Variants in ZRANB3 observed in about 807,000 individuals in gnomAD.
The protein encoded by ZRANB3 is zinc finger RANBP2-type containing 3.
In ZRANB3, 125 loss-of-function variants were observed where a neutral mutation model predicts 133.8. That is an observed-to-expected ratio of 0.93 (90% CI 0.81 to 1.08). The LOEUF (loss-of-function observed/expected upper bound fraction) is 1.08. ZRANB3 is among the 50% of genes least tolerant of loss of function. The probability of loss-of-function intolerance (pLI) is 0.00; values close to 1 mark genes in which losing one functional copy is unlikely to be tolerated. For synonymous variants in ZRANB3, 387 were observed against 432.7 expected, an observed-to-expected ratio of 0.89 and a Z score of 1.31; for missense variants, 1,229 against 1,275.5, an observed-to-expected ratio of 0.96 and a Z score of 0.56.
chr2:135,449,516 A>C (rs1690173813), intron 2 of ZRANB3, among the ~76,000 whole-genome samples: 1 of 152,148 alleles, frequency 6.6e-6, no homozygotes, highest in Non-Finnish European at 1.5e-5. Flanking sequence ...GCTACTCGGG[A>C]GGCTGAGGCA....
At chr2:135,264,096 G>A (rs994384649) in intron 12 of ZRANB3, among the ~76,000 whole-genome samples, 1 of 151,520 alleles carries the variant, frequency 6.6e-6, no homozygotes, top group African/African-American at 2.4e-5. Flanking sequence ...GTCCATAGTG[G>A]TATTTTTTTA....
intron 14 of ZRANB3, among the ~76,000 whole-genome samples, 163 bp from the exon 15 acceptor site, chr2:135,224,680 G>C (rs1408682592): frequency 1.3e-5 from 2 of 152,134 alleles, no homozygotes; most frequent in East Asian, 3.8e-4. Context: ...TACCACGGTA[G>C]GCCATTGAAG....
At chr2:135,247,502 A>AT (rs1361326880) in intron 12 of ZRANB3, among the ~76,000 whole-genome samples, 3 of 152,178 alleles carry the variant, frequency 2.0e-5, no homozygotes, top group Admixed American at 2.0e-4. Context: ...ACACATTTTG[A>AT]TTTTTTTTAA....
rs193082302 is a variant in ZRANB3, at chr2:135,467,186, T to C, written c.161+37143A>G. On this transcript the variant is annotated intron_variant, in intron 2 of 20. Coordinates refer to ENST00000264159, the MANE Select transcript of ZRANB3 (RefSeq NM_032143.4). ...CCAGGCTTGAGTGGCTTTCATTCTC[T>C]GCTCCCATTTAAACAAATGAGCAGA... 2.6e-3 allele frequency among the ~76,000 whole-genome samples: 400 copies of C among 152,110 alleles called. 1 individual carries two copies. Among genetic ancestry groups the C allele is most frequent in the African/African-American group, 8.8e-3 (364 of 41,380 alleles).
chr2:135,478,365 G>GAAAC (rs1250607726), intron 2 of ZRANB3, among the ~76,000 whole-genome samples: 2 of 151,976 alleles, frequency 1.3e-5, no homozygotes, highest in Non-Finnish European at 2.9e-5. Flanking sequence ...CCAAGTTAAA[G>GAAAC]AAACAGAATA....
chr2:135,212,391 G>C (rs16831450), intron 17 of ZRANB3, among the ~76,000 whole-genome samples: 1 of 152,144 alleles, frequency 6.6e-6, no homozygotes, highest in East Asian at 1.9e-4. Flanking sequence ...AGGGGCAATG[G>C]GATATTAAGC....
chr2:135,517,069 T>C (rs754855016), intron 1 of ZRANB3, among the ~76,000 whole-genome samples: 4 of 151,908 alleles, frequency 2.6e-5, no homozygotes, highest in East Asian at 1.9e-4. Context: ...AATTTGGCTA[T>C]TGATATTTGT....
rs1443158640 is a variant in ZRANB3 at position 135,504,257 on chromosome 2, T to C, written c.161+72A>G. On this transcript the variant is annotated intron_variant, in intron 2 of 20. Transcript: ENST00000264159. ...GACTGTGAATACACGAAAAGAAAGT[T>C]TGAACAGAACTTTGTTTTTAATACA... is the stretch of plus-strand genomic sequence containing the variant. 5 of 1,577,254 alleles carry C rather than the reference T, an allele frequency of 3.2e-6. No homozygotes were observed. In the African/African-American group the frequency reaches 6.7e-5, roughly 21 times the overall value.
At chr2:135,499,619 A>G (rs1025339821) in intron 2 of ZRANB3, among the ~76,000 whole-genome samples, 3 of 152,188 alleles carry the variant, frequency 2.0e-5, no homozygotes, top group African/African-American at 7.2e-5. Flanking sequence ...TTTACTTATC[A>G]TCAGAGAAAT....
intron 2 of ZRANB3, among the ~76,000 whole-genome samples, chr2:135,468,789 A>G (rs1691118549): frequency 6.6e-6 from 1 of 152,232 alleles, no homozygotes; most frequent in South Asian, 2.1e-4. Flanking sequence ...AAAGTAAAAA[A>G]TTCTCACAGA....
chr2:135,228,389 G>T lies in ZRANB3; in HGVS notation c.1955-374C>A, dbSNP rs190540283. ...AGTCATGAGGACCAAGCTCTGAGAG[G>T]AGTCCCATTTGAGCTGAGAGCTGTT... On this transcript the variant is annotated intron_variant, in intron 13 of 20. Transcript: ENST00000264159. 161 of 169,270 alleles carry T rather than the reference G, an allele frequency of 9.5e-4. 4 individuals are homozygous for T. The South Asian group carries it at 0.022, about 23-fold the overall frequency. 10.5% of individuals were successfully genotyped at this position (169,270 alleles called of 1,614,324 possible).
intron 2 of ZRANB3, among the ~76,000 whole-genome samples, chr2:135,396,280 C>T (rs188549210): frequency 6.6e-6 from 1 of 152,268 alleles, no homozygotes; most frequent in East Asian, 1.9e-4. Context: ...AAAAATAGAG[C>T]TTCCATCTGA....
At chr2:135,421,256 C>A (rs1470727729) in intron 2 of ZRANB3, among the ~76,000 whole-genome samples, 1 of 152,114 alleles carries the variant, frequency 6.6e-6, no homozygotes, top group Non-Finnish European at 1.5e-5. Flanking sequence ...GCTGTTGGCA[C>A]ACCAAACCAG....
intron 1 of ZRANB3, among the ~76,000 whole-genome samples, chr2:135,509,058 C>T (rs1693327647): frequency 6.6e-6 from 1 of 151,902 alleles, no homozygotes; most frequent in South Asian, 2.1e-4. Context: ...AAATTTTCTT[C>T]CAGAAATATT....
At chr2:135,455,037 T>C (rs939905698) in intron 2 of ZRANB3, among the ~76,000 whole-genome samples, 1 of 152,114 alleles carries the variant, frequency 6.6e-6, no homozygotes, top group East Asian at 1.9e-4. Context: ...ACAGAACAAT[T>C]ATATACAAGA....
At chr2:135,483,249 G>C (rs1246050341) in intron 2 of ZRANB3, among the ~76,000 whole-genome samples, 8 of 150,966 alleles carry the variant, frequency 5.3e-5, no homozygotes, top group African/African-American at 1.2e-4. Context: ...TCTGGTCCTG[G>C]ACTCTTTTTG....
chr2:135,390,869 C>CT (rs754447050), intron 2 of ZRANB3, 49 bp from the exon 3 acceptor site: 9,133 of 1,119,090 alleles, frequency 8.2e-3, no homozygotes, highest in East Asian at 0.014. Context: ...AACCTTTTTC[C>CT]TTTTTTTTTT....
chr2:135,520,911 A>G (rs533608540), intron 1 of ZRANB3, among the ~76,000 whole-genome samples: 2 of 152,152 alleles, frequency 1.3e-5, no homozygotes, highest in Non-Finnish European at 2.9e-5. Context: ...TTACTTTAAA[A>G]GCAAGAATAT....
At chr2:135,425,581 G>A (rs770068574) in intron 2 of ZRANB3, among the ~76,000 whole-genome samples, 12 of 152,168 alleles carry the variant, frequency 7.9e-5, no homozygotes, top group East Asian at 1.9e-4. Flanking sequence ...ACTTGCTCCC[G>A]AATGACTTTT....
Sources: allele counts gnomAD v4.1 joint callset (sites outside exome capture counted in the v4.1 genomes callset), GRCh38; gene constraint gnomAD v4.1.1; transcripts MANE v1.5; gene names NCBI Gene and HGNC (gene_info 2026-07-23, HGNC 2026-07-21).